Variants in KCNN3 observed in about 807,000 individuals in gnomAD.
KCNN3 encodes potassium calcium-activated channel subfamily N member 3.
In KCNN3, 16 loss-of-function variants were observed where a neutral mutation model predicts 62.9. The observed-to-expected ratio is 0.25, with a 90% confidence interval of 0.17 to 0.39. The LOEUF is 0.39. KCNN3 is among the 10% of genes least tolerant of loss of function. KCNN3 has a pLI of 1.00. For missense variants in KCNN3, 599 were observed against 949.4 expected (o/e 0.63, Z 4.85); for synonymous variants, 370 against 389.2 (o/e 0.95, Z 0.58).
intron 2 of KCNN3, among the ~76,000 whole-genome samples, chr1:154,784,865 G>A (rs983538089): frequency 2.6e-5 from 4 of 152,202 alleles, no homozygotes; most frequent in South Asian, 2.1e-4. Context: ...GGCTCGGAGA[G>A]GCTAAATAAT....
intron 1 of KCNN3, among the ~76,000 whole-genome samples, chr1:154,860,901 C>T (rs946752420): frequency 6.6e-6 from 1 of 150,764 alleles, no homozygotes; most frequent in Non-Finnish European, 1.5e-5. Context: ...AGGAAATAGG[C>T]TTTGGGTTCA....
At chr1:154,711,791 G>T (rs1571200551) in intron 7 of KCNN3, among the ~76,000 whole-genome samples, 2 of 152,252 alleles carry the variant, frequency 1.3e-5, no homozygotes, top group Middle Eastern at 6.8e-3. Flanking sequence ...GACTAGTAGG[G>T]GGCCAATTAG....
intron 3 of KCNN3, among the ~76,000 whole-genome samples, chr1:154,757,213 C>G (rs1342782062): frequency 2.0e-5 from 3 of 152,190 alleles, no homozygotes; most frequent in Non-Finnish European, 4.4e-5. Context: ...TCTGCGGGAG[C>G]CTGAGAAACT....
chr1:154,855,843 G>T (rs973155912), intron 1 of KCNN3, among the ~76,000 whole-genome samples: 3 of 152,340 alleles, frequency 2.0e-5, no homozygotes, highest in Non-Finnish European at 2.9e-5. Flanking sequence ...CATATGGTAG[G>T]TGCTTGACAG....
chr1:154,859,613 C>T (rs369653525), intron 1 of KCNN3: 215 of 1,391,150 alleles, frequency 1.5e-4, no homozygotes, highest in Non-Finnish European at 1.8e-4. Flanking sequence ...GACAGGTCAG[C>T]AAGGTTCAAT....
chr1:154,780,723 T>C (rs1351649243), intron 2 of KCNN3, among the ~76,000 whole-genome samples: 1 of 151,930 alleles, frequency 6.6e-6, no homozygotes, highest in Non-Finnish European at 1.5e-5. Flanking sequence ...TAGGTTTCCC[T>C]GAGGACAGGA....
intron 1 of KCNN3, among the ~76,000 whole-genome samples, chr1:154,853,021 C>T (rs1396580822): frequency 6.6e-6 from 1 of 152,154 alleles, no homozygotes; most frequent in Non-Finnish European, 1.5e-5. Flanking sequence ...GACAGGGTTT[C>T]ACATGTCACC....
At chr1:154,751,126 C>A (rs1647358076) in intron 3 of KCNN3, among the ~76,000 whole-genome samples, 3 of 152,178 alleles carry the variant, frequency 2.0e-5, no homozygotes, top group Admixed American at 2.0e-4. Context: ...AGAGTCCAGT[C>A]CCAGGAGAGA....
At chr1:154,773,473 G>A (rs750368815) in intron 2 of KCNN3, among the ~76,000 whole-genome samples, 8 of 152,222 alleles carry the variant, frequency 5.3e-5, no homozygotes, top group Non-Finnish European at 8.8e-5. Context: ...CTTGGTCAGA[G>A]GCTCAGATAA....
intron 4 of KCNN3, among the ~76,000 whole-genome samples, chr1:154,726,840 T>C (rs1188988884): frequency 1.3e-5 from 2 of 152,094 alleles, no homozygotes; most frequent in African/African-American, 4.8e-5. Context: ...GCTCGGTAGG[T>C]CCGTGCCAGG....
In KCNN3 at chr1:154,714,319, G is replaced by GGTGTGTGTGTGGT. The variant is rs1700167331; in HGVS notation, c.1829+556_1829+557insACCACACACACAC. Among the ~76,000 whole-genome samples, 3 of 55,182 alleles carry GGTGTGTGTGTGGT rather than the reference G, an allele frequency of 5.4e-5. No homozygotes were observed. The South Asian group carries it at 2.3e-3, about 41-fold the overall frequency. The allele number at this position is 55,182 out of a possible 152,430, so 36.2% of individuals were successfully genotyped here. A position where few individuals can be genotyped will look rare whatever the true frequency, so the allele number is the denominator to read the frequency against. ...TATGGTGTGTGTGTGGTTTGTGTGA[G>GGTGTGTGTGTGGT]GTGTGTGTGTGTGGTGTTTGTGTGT... On this transcript the variant is annotated intron_variant, in intron 6 of 7. Transcript: ENST00000271915.
chr1:154,838,552 G>A (rs1173244086), intron 1 of KCNN3, among the ~76,000 whole-genome samples: 3 of 152,150 alleles, frequency 2.0e-5, no homozygotes, highest in Non-Finnish European at 2.9e-5. Flanking sequence ...CTAAGCTTTC[G>A]TTTCCCTCAA....
At chr1:154,818,388 G>A (rs907395514) in intron 2 of KCNN3, among the ~76,000 whole-genome samples, 1 of 152,222 alleles carries the variant, frequency 6.6e-6, no homozygotes, top group Non-Finnish European at 1.5e-5. Flanking sequence ...TCTCCCAGGG[G>A]GGCCAGCAGC....
At chr1:154,859,836 C>T in intron 1 of KCNN3, 2 of 1,605,792 alleles carry the variant, frequency 1.2e-6, no homozygotes, top group Non-Finnish European at 1.7e-6. Context: ...TTTAAGCTGA[C>T]TTTCCTGTTA....
In KCNN3 at chr1:154,757,997, C is replaced by T. The variant is rs555846397; in HGVS notation, c.1448+13978G>A. ...TAGTAAGAGCATAAGCAAGGCTCCA[C>T]GCTCACATCTTCCCAGAGGTCAATG... On this transcript the variant is annotated intron_variant, in intron 3 of 7. Coordinates refer to ENST00000271915, the MANE Select transcript of KCNN3 (RefSeq NM_002249.6). Among the ~76,000 whole-genome samples, 9 of 152,356 alleles carry T rather than the reference C, an allele frequency of 5.9e-5. No homozygotes were observed. The South Asian group carries it at 8.3e-4, about 14-fold the overall frequency.
Position 154,869,594 on chromosome 1 carries a change from G to A in KCNN3, c.371C>T (p.Ser124Phe). 6.2e-7 allele frequency: 1 copy of A among 1,614,132 alleles called. No homozygotes were observed. The highest frequency in any genetic ancestry group is 1.3e-5 in the African/African-American group (1 of 75,022). Residue 124 changes from serine to phenylalanine, a missense_variant, in exon 1 of 8, where the codon TCC (serine) becomes TTC (phenylalanine). Coordinates refer to ENST00000271915, the MANE Select transcript of KCNN3 (RefSeq NM_002249.6). The surrounding 1 kb of genome is among the most constrained non-coding windows in gnomAD (Gnocchi z 6.1). ...SNSTAILHPS[S>F]RQGSQLNLND... ...GAGATTGAGCTGGCTGCCTTGCCTG[G>A]AGGAAGGGTGGAGGATGGCGGTGGA...
chr1:154,817,945 G>T (rs1005619814), intron 2 of KCNN3, among the ~76,000 whole-genome samples: 1 of 152,080 alleles, frequency 6.6e-6, no homozygotes, highest in African/African-American at 2.4e-5. Flanking sequence ...TGGAGCCAGG[G>T]GCTGCCGGTG....
intron 7 of KCNN3, among the ~76,000 whole-genome samples, chr1:154,713,003 A>G (rs1700111146): frequency 6.6e-6 from 1 of 152,080 alleles, no homozygotes; most frequent in Non-Finnish European, 1.5e-5. Flanking sequence ...GAGGCCAGCA[A>G]AACTAGTTGG....
At chr1:154,733,401 A>G (rs533273183) in intron 3 of KCNN3, among the ~76,000 whole-genome samples, 6 of 152,228 alleles carry the variant, frequency 3.9e-5, no homozygotes, top group Admixed American at 1.3e-4. Flanking sequence ...CATGATTTGC[A>G]CCTCATTGTA....
Sources: allele counts gnomAD v4.1 joint callset (sites outside exome capture counted in the v4.1 genomes callset), GRCh38; gene constraint gnomAD v4.1.1; non-coding constraint Gnocchi (gnomAD v3.1); transcripts MANE v1.5; gene names NCBI Gene and HGNC (gene_info 2026-07-23, HGNC 2026-07-21).